Variants in CFAP221 observed in about 807,000 individuals in gnomAD.
CFAP221 encodes the protein cilia and flagella associated protein 221, also known as cilia- and flagella-associated protein 221.
CFAP221 carries 97 observed loss-of-function variants against 113.1 expected under a neutral mutation model. That is an observed-to-expected ratio of 0.86 (90% CI 0.73 to 1.02). CFAP221 has a LOEUF of 1.02. Ranked by LOEUF, CFAP221 falls within the 50% of genes least tolerant of loss-of-function variation. The probability of loss-of-function intolerance (pLI) is 0.00; values close to 1 mark genes in which losing one functional copy is unlikely to be tolerated. For missense variants in CFAP221, 1,025 were observed against 1,013.4 expected, an observed-to-expected ratio of 1.01 and a Z score of -0.16; for synonymous variants, 331 against 354.4, an observed-to-expected ratio of 0.93 and a Z score of 0.74.
At chr2:119,642,757 G>A (rs1687569601) in intron 21 of CFAP221, among the ~76,000 whole-genome samples, 1 of 151,838 alleles carries the variant, frequency 6.6e-6, no homozygotes, top group Non-Finnish European at 1.5e-5. Context: ...CCAGGCTGGT[G>A]TTGAACTCCT....
intron 6 of CFAP221, among the ~76,000 whole-genome samples, chr2:119,567,653 G>T (rs1196294022): frequency 6.6e-6 from 1 of 151,882 alleles, no homozygotes. Flanking sequence ...ATGATTATTG[G>T]ATTGTATGGT....
At chr2:119,548,087 C>G (rs897328677) in intron 2 of CFAP221, among the ~76,000 whole-genome samples, 3 of 152,066 alleles carry the variant, frequency 2.0e-5, no homozygotes, top group African/African-American at 7.2e-5. Context: ...CCTCAGCCTC[C>G]CATGTAGCTG....
At chr2:119,630,532 C>T (rs779886736) in intron 17 of CFAP221, 38 bp from the exon 18 acceptor site, 5 of 1,492,264 alleles carry the variant, frequency 3.4e-6, no homozygotes, top group Non-Finnish European at 3.7e-6. Context: ...CAAATGGTAA[C>T]AGGTTTTTAA....
chr2:119,618,825 A>G (rs773242815), intron 14 of CFAP221, among the ~76,000 whole-genome samples: 9 of 152,136 alleles, frequency 5.9e-5, no homozygotes, highest in Non-Finnish European at 1.3e-4. Context: ...CCAGCAAGCT[A>G]AGATCCATTG....
intron 2 of CFAP221, among the ~76,000 whole-genome samples, chr2:119,546,878 G>C (rs1191947488): frequency 8.5e-5 from 13 of 152,198 alleles, no homozygotes. Context: ...TATGGAAAAG[G>C]ATAATCATTT....
At chr2:119,566,675 C>T (rs748391216) in intron 6 of CFAP221, among the ~76,000 whole-genome samples, 10 of 152,152 alleles carry the variant, frequency 6.6e-5, no homozygotes, top group African/African-American at 2.2e-4. Context: ...CCTCTTGGCC[C>T]GTGTCCCAGC....
intron 5 of CFAP221, 128 bp from the exon 6 acceptor site, chr2:119,561,886 A>G: frequency 1.4e-6 from 1 of 691,338 alleles, no homozygotes. Context: ...GTTGTAGTTA[A>G]GCGCTGAAGT....
intron 14 of CFAP221, among the ~76,000 whole-genome samples, chr2:119,619,925 C>G (rs184699428): frequency 6.6e-6 from 1 of 151,968 alleles, no homozygotes; most frequent in African/African-American, 2.4e-5. Flanking sequence ...AAACACAGCA[C>G]GAGAACTTCA....
At chr2:119,650,685 C>T (rs1432333801) in intron 22 of CFAP221, among the ~76,000 whole-genome samples, 1 of 152,180 alleles carries the variant, frequency 6.6e-6, no homozygotes, top group Non-Finnish European at 1.5e-5. Context: ...TTATGATGAG[C>T]TCTTATTATT....
In CFAP221 at chr2:119,656,372, G is replaced by C. The variant is rs779719144; in HGVS notation, c.2425G>C (p.Asp809His). 7.4e-6 allele frequency: 12 copies of C among 1,613,930 alleles called. No individual in the cohort carries two copies. The highest frequency in any genetic ancestry group is 9.3e-6 in the Non-Finnish European group (11 of 1,179,952). Residue 809 changes from aspartate (D) to histidine (H), a missense_variant, in exon 24 of 24, where the codon GAT (aspartate) becomes CAT (histidine). Coordinates refer to ENST00000413369, the MANE Select transcript of CFAP221 (RefSeq NM_001271049.2). ...TTTTTTGATACTCAGAGAAGTGAAA[G>C]ATCAAGCACAACCAGCAGAGAAGGC... ...KDIRKEKEVK[D>H]QAQPAEKAGE...
intron 6 of CFAP221, among the ~76,000 whole-genome samples, chr2:119,564,465 T>C (rs1405916815): frequency 2.0e-5 from 3 of 152,250 alleles, no homozygotes; most frequent in African/African-American, 7.2e-5. Context: ...AATACTGGTT[T>C]TAAGGCATGA....
At chr2:119,552,828 AAG>A (rs928801905) in intron 3 of CFAP221, among the ~76,000 whole-genome samples, 1 of 145,142 alleles carries the variant, frequency 6.9e-6, no homozygotes, top group African/African-American at 2.5e-5. Context: ...ATAAGAAATA[AAG>A]AGAAATATTT....
chr2:119,629,018 C>T (rs924118993), intron 16 of CFAP221, among the ~76,000 whole-genome samples: 3 of 152,110 alleles, frequency 2.0e-5, no homozygotes, highest in African/African-American at 7.2e-5. Flanking sequence ...ATAGAGCGCT[C>T]AGCATTCCTG....
At chr2:119,592,970 G>T (rs1291763411) in intron 7 of CFAP221, among the ~76,000 whole-genome samples, 1 of 152,150 alleles carries the variant, frequency 6.6e-6, no homozygotes, top group Non-Finnish European at 1.5e-5. Flanking sequence ...TTGTCCCCTG[G>T]AAAATGGCAT....
intron 22 of CFAP221, among the ~76,000 whole-genome samples, chr2:119,650,698 G>A (rs951921621): frequency 1.3e-5 from 2 of 152,176 alleles, no homozygotes; most frequent in African/African-American, 4.8e-5. Flanking sequence ...TTATTATTAT[G>A]CCCACCTTTG....
intron 23 of CFAP221, among the ~76,000 whole-genome samples, chr2:119,653,635 A>T (rs908541614): frequency 1.3e-5 from 2 of 152,312 alleles, no homozygotes; most frequent in African/African-American, 4.8e-5. Context: ...CTTGTGCTAT[A>T]ATTCCTTTCA....
intron 3 of CFAP221, chr2:119,556,297 C>T (rs553216742): frequency 7.9e-5 from 12 of 152,128 alleles, no homozygotes; most frequent in African/African-American, 2.4e-4. Flanking sequence ...CTCCATTTCA[C>T]TTCAGATCTT....
intron 14 of CFAP221, among the ~76,000 whole-genome samples, chr2:119,623,401 T>C (rs1411466686): frequency 6.6e-6 from 1 of 152,188 alleles, no homozygotes; most frequent in African/African-American, 2.4e-5. Flanking sequence ...TCCATGCTCA[T>C]GGATAGGAAG....
At chr2:119,606,592 CAGGT>C (rs1684782953) in intron 11 of CFAP221, among the ~76,000 whole-genome samples, 1 of 152,056 alleles carries the variant, frequency 6.6e-6, no homozygotes, top group Non-Finnish European at 1.5e-5. Flanking sequence ...TTATGAAAAA[CAGGT>C]AGGTCATCAT....
Sources: allele counts gnomAD v4.1 joint callset (sites outside exome capture counted in the v4.1 genomes callset), GRCh38; gene constraint gnomAD v4.1.1; transcripts MANE v1.5; gene names NCBI Gene and HGNC (gene_info 2026-07-23, HGNC 2026-07-21).